The following DNAH7 variants were observed in gnomAD, a reference collection of about 807,000 sequenced individuals.
The protein encoded by DNAH7 is dynein axonemal heavy chain 7.
In DNAH7, 397 loss-of-function variants were observed where a neutral mutation model predicts 444.6. That is an observed-to-expected ratio of 0.89 (90% CI 0.82 to 0.97). DNAH7 has a LOEUF of 0.97. Among genes scored for constraint, DNAH7 ranks in the 50% least tolerant of loss-of-function variants. The probability of loss-of-function intolerance (pLI) is 0.00; values close to 1 mark genes in which losing one functional copy is unlikely to be tolerated. For missense variants in DNAH7, 4,902 were observed against 4,800.8 expected, an observed-to-expected ratio of 1.02 and a Z score of -0.62; for synonymous variants, 1,636 against 1,624.4, an observed-to-expected ratio of 1.01 and a Z score of -0.17.
At chr2:195,840,032 G>A (rs1394087572) in intron 47 of DNAH7, among the ~76,000 whole-genome samples, 2 of 151,672 alleles carry the variant, frequency 1.3e-5, no homozygotes, top group Admixed American at 1.3e-4. Context: ...TACTCTGAAA[G>A]CAAAACCATA....
chr2:196,002,365 C>T (rs1340948708), intron 10 of DNAH7, among the ~76,000 whole-genome samples: 3 of 152,052 alleles, frequency 2.0e-5, no homozygotes, highest in South Asian at 2.1e-4. Context: ...TTCTCATTCC[C>T]CTTAATGTGA....
chr2:195,967,980 C>T (rs1054827236), intron 17 of DNAH7, among the ~76,000 whole-genome samples: 3 of 152,226 alleles, frequency 2.0e-5, no homozygotes, highest in Non-Finnish European at 4.4e-5. Context: ...AAGAGCCTCT[C>T]CTGCTGCTGC....
intron 19 of DNAH7, among the ~76,000 whole-genome samples, chr2:195,941,451 C>T (rs920582583): frequency 3.2e-3 from 179 of 56,770 alleles, no homozygotes; most frequent in Admixed American, 8.6e-3. Flanking sequence ...ACCTAGATGA[C>T]AAAAAAAAAA....
chr2:195,829,167 T>C (rs1697941148), intron 48 of DNAH7, among the ~76,000 whole-genome samples: 2 of 152,166 alleles, frequency 1.3e-5, no homozygotes, highest in South Asian at 2.1e-4. Context: ...TGGTTGACTA[T>C]AATAACTACC....
intron 19 of DNAH7, 35 bp from the exon 20 acceptor site, chr2:195,936,827 A>T (rs200544749): frequency 2.2e-6 from 3 of 1,368,334 alleles, no homozygotes; most frequent in East Asian, 5.1e-5. Flanking sequence ...CAATTCAAAA[A>T]TATTAGATAC....
rs1459724056 is a variant in DNAH7 at position 195,960,516 on chromosome 2, T to A, written c.2635A>T (p.Met879Leu). 9 of 1,614,086 alleles carry A rather than the reference T, an allele frequency of 5.6e-6. No homozygotes were observed. Among genetic ancestry groups the A allele is most frequent in the African/African-American group, 2.7e-5 (2 of 74,922 alleles). ...DDSTVSSFLD[M>L]NLEPYIDRFE... ...CGGTCTATATATGGTTCCAGATTCA[T>A]GTCTAAAAAAGAGGAGACTGTGGAG... The change falls in exon 18 of 65, where the codon ATG becomes TTG. Residue 879 changes from methionine (M) to leucine (L), a missense_variant. Physicochemically the swap from Met to Leu is conservative, Grantham distance 15 (BLOSUM62 2). Transcript: ENST00000312428.
chr2:196,058,824 T>C (rs1394769813), intron 1 of DNAH7, among the ~76,000 whole-genome samples: 1 of 152,132 alleles, frequency 6.6e-6, no homozygotes, highest in Non-Finnish European at 1.5e-5. Flanking sequence ...TTGTAGAAAT[T>C]AACAAATTGA....
intron 59 of DNAH7, 114 bp from the exon 60 acceptor site, chr2:195,776,097 A>T (rs1695045600): frequency 7.7e-7 from 1 of 1,295,124 alleles, no homozygotes; most frequent in Non-Finnish European, 1.1e-6. Context: ...TAGGCCTGTG[A>T]CACTGGACAT....
At chr2:196,060,580 TCTCC>T (rs144424969) in intron 1 of DNAH7, among the ~76,000 whole-genome samples, 5,117 of 152,308 alleles carry the variant, frequency 0.034, 290 homozygotes, top group African/African-American at 0.12. Context: ...CCTTTTGTTC[TCTCC>T]CTATTATTTT....
At chr2:195,929,519 A>G (rs1221643199) in intron 21 of DNAH7, among the ~76,000 whole-genome samples, 2 of 152,214 alleles carry the variant, frequency 1.3e-5, no homozygotes, top group Non-Finnish European at 2.9e-5. Context: ...GTGTACAAAA[A>G]CAGGCACACA....
At chr2:195,898,974 T>A (rs949004495) in intron 28 of DNAH7, among the ~76,000 whole-genome samples, 12 of 152,252 alleles carry the variant, frequency 7.9e-5, no homozygotes, top group African/African-American at 2.9e-4. Flanking sequence ...ATGCATATAA[T>A]TTTCCAGAAC....
intron 46 of DNAH7, among the ~76,000 whole-genome samples, chr2:195,847,580 C>T (rs73062496): frequency 0.061 from 9,179 of 150,088 alleles, 380 homozygotes; most frequent in African/African-American, 0.12. Context: ...ATCTGTACAC[C>T]GAACCCTGTT....
intron 58 of DNAH7, among the ~76,000 whole-genome samples, chr2:195,781,486 G>A (rs1187836396): frequency 6.6e-6 from 1 of 152,112 alleles, no homozygotes; most frequent in African/African-American, 2.4e-5. Context: ...GTGGGTTGGT[G>A]GGCATGTAGA....
chr2:195,844,150 C>G (rs1319087669), intron 47 of DNAH7, among the ~76,000 whole-genome samples: 1 of 152,106 alleles, frequency 6.6e-6, no homozygotes. Context: ...AATAACTAGT[C>G]TCCACATTTA....
At chr2:195,841,228 TTC>T (rs890042605) in intron 47 of DNAH7, among the ~76,000 whole-genome samples, 50 of 151,388 alleles carry the variant, frequency 3.3e-4, no homozygotes, top group Admixed American at 2.8e-3. Context: ...CTCTTTCTCT[TTC>T]TCTCTCTCTG....
intron 1 of DNAH7, among the ~76,000 whole-genome samples, chr2:196,060,093 C>T (rs1203185104): frequency 1.3e-5 from 2 of 152,078 alleles, no homozygotes; most frequent in East Asian, 1.9e-4. Flanking sequence ...TGGCAGGCGC[C>T]TGTAGTCCTA....
chr2:195,856,217 A>G (rs1211725189), intron 44 of DNAH7, among the ~76,000 whole-genome samples: 1 of 152,194 alleles, frequency 6.6e-6, no homozygotes, highest in Non-Finnish European at 1.5e-5. Context: ...TACAAAAAAC[A>G]TTTTGCCAGT....
At chr2:195,984,121 C>G (rs1301003391) in intron 15 of DNAH7, among the ~76,000 whole-genome samples, 1 of 152,044 alleles carries the variant, frequency 6.6e-6, no homozygotes, top group African/African-American at 2.4e-5. Flanking sequence ...ATGTCTGTAC[C>G]ATGACATGAG....
At chr2:195,879,616 G>A (rs1162788004) in intron 36 of DNAH7, among the ~76,000 whole-genome samples, 2 of 152,066 alleles carry the variant, frequency 1.3e-5, no homozygotes, top group African/African-American at 4.8e-5. Context: ...TTGGTCTACT[G>A]AAAGATGAAT....
Sources: allele counts gnomAD v4.1 joint callset (sites outside exome capture counted in the v4.1 genomes callset), GRCh38; gene constraint gnomAD v4.1.1; transcripts MANE v1.5; gene names NCBI Gene and HGNC (gene_info 2026-07-23, HGNC 2026-07-21).